The following FAM13A variants were observed in gnomAD, a reference collection of about 807,000 sequenced individuals.
FAM13A encodes the protein protein FAM13A.
Under a neutral mutation model 129.6 loss-of-function variants are expected in FAM13A, and 76 were observed. That is an observed-to-expected ratio of 0.59 (90% CI 0.49 to 0.71). The LOEUF is 0.71. Ranked by LOEUF, FAM13A falls within the 30% of genes least tolerant of loss-of-function variation. FAM13A has a pLI of 0.00. For missense variants in FAM13A, 1,108 were observed against 1,249.3 expected (o/e 0.89, Z 1.70); for synonymous variants, 443 against 449.9 (o/e 0.98, Z 0.20).
chr4:88,749,759 G>A lies in FAM13A; in HGVS notation c.2079+12C>T. 6.2e-7 allele frequency: 1 copy of A among 1,613,608 alleles called. No individual in the cohort carries two copies. The highest frequency in any genetic ancestry group is 2.2e-5 in the East Asian group (1 of 44,870). On this transcript the variant is annotated intron_variant, in intron 16 of 23. Coordinates refer to ENST00000264344, the MANE Select transcript of FAM13A (RefSeq NM_014883.4). The stretch of plus-strand genomic sequence containing the variant: ...GGATGAGGCGAAAAGAACAGTGTGA[G>A]GGGACACTTACTCTGTACTTCTTCT...
chr4:88,754,739 C>T (rs1743293062), intron 14 of FAM13A, among the ~76,000 whole-genome samples: 1 of 152,042 alleles, frequency 6.6e-6, no homozygotes, highest in African/African-American at 2.4e-5. Context: ...TCTTGTTAAC[C>T]AACAGAGTTA....
chr4:88,754,894 G>T (rs1743321990), intron 14 of FAM13A, among the ~76,000 whole-genome samples: 1 of 152,080 alleles, frequency 6.6e-6, no homozygotes, highest in South Asian at 2.1e-4. Flanking sequence ...ATAGGGCTGA[G>T]GACTTTTTAC....
At chr4:88,985,838 C>T (rs55734202) in intron 4 of FAM13A, among the ~76,000 whole-genome samples, 23,364 of 116,152 alleles carry the variant, frequency 0.2, 1,929 homozygotes, top group South Asian at 0.31. Flanking sequence ...TACACAAGCA[C>T]AAAAAAGAAT....
chr4:89,012,520 G>T (rs562419970), intron 3 of FAM13A, among the ~76,000 whole-genome samples: 80 of 152,294 alleles, frequency 5.3e-4, no homozygotes, highest in African/African-American at 1.8e-3. Flanking sequence ...TGTCATGCAG[G>T]TATACTGATT....
At chr4:88,941,025 T>C (rs1182728228) in intron 4 of FAM13A, among the ~76,000 whole-genome samples, 1 of 152,100 alleles carries the variant, frequency 6.6e-6, no homozygotes, top group Admixed American at 6.6e-5. Context: ...GCTGCAAACA[T>C]GAGTAGTTTC....
chr4:89,005,676 G>A (rs933986130), intron 3 of FAM13A, among the ~76,000 whole-genome samples: 5 of 152,148 alleles, frequency 3.3e-5, no homozygotes, highest in African/African-American at 1.2e-4. Flanking sequence ...GTGATGTTGA[G>A]CTTTTTTCAT....
chr4:89,014,760 G>A (rs1000396025), intron 3 of FAM13A, among the ~76,000 whole-genome samples: 2 of 152,090 alleles, frequency 1.3e-5, no homozygotes, highest in Non-Finnish European at 2.9e-5. Flanking sequence ...ATCTTCATAA[G>A]CTGAGGATGT....
rs2148718802 is a variant in FAM13A at position 88,921,705 on chromosome 4, A to C, written c.760-15243T>G. The stretch of plus-strand genomic sequence containing the variant: ...GGATCAAATTCACACAAACAATATT[A>C]ACTTTAAATGTAAATGGACTAAATG... On this transcript the variant is annotated intron_variant, in intron 5 of 23. Transcript: ENST00000264344. Among the ~76,000 whole-genome samples the C allele has an allele frequency of 1.3e-5, 2 of 152,354 alleles. 1 individual carries two copies. The highest frequency in any genetic ancestry group is 6.8e-3 in the Middle Eastern group (2 of 294).
intron 3 of FAM13A, among the ~76,000 whole-genome samples, chr4:89,012,296 T>G (rs1437273808): frequency 6.6e-6 from 1 of 152,194 alleles, no homozygotes; most frequent in Non-Finnish European, 1.5e-5. Flanking sequence ...CAAGCTGAGA[T>G]AATCATACTA....
chr4:88,911,296 G>A (rs756257886), intron 5 of FAM13A, among the ~76,000 whole-genome samples: 6 of 152,156 alleles, frequency 3.9e-5, no homozygotes, highest in African/African-American at 1.4e-4. Context: ...TGCTGAGAAC[G>A]GAGCAGCTCA....
chr4:88,852,264 C>T (rs573224001), intron 6 of FAM13A, among the ~76,000 whole-genome samples: 4 of 151,710 alleles, frequency 2.6e-5, no homozygotes, highest in Admixed American at 6.6e-5. Flanking sequence ...TGGGTTCAAG[C>T]GATTCTCCTT....
intron 3 of FAM13A, among the ~76,000 whole-genome samples, chr4:89,014,807 G>T (rs909879732): frequency 6.6e-6 from 1 of 152,030 alleles, no homozygotes. Flanking sequence ...TGCGTTAACC[G>T]CACAAATTGT....
At chr4:88,838,541 C>T (rs1016937457) in intron 7 of FAM13A, among the ~76,000 whole-genome samples, 41 of 151,836 alleles carry the variant, frequency 2.7e-4, no homozygotes, top group Non-Finnish European at 3.8e-4. Flanking sequence ...ATGGAGACCA[C>T]GGTGAAATCC....
intron 14 of FAM13A, among the ~76,000 whole-genome samples, chr4:88,756,194 T>C (rs1743584607): frequency 6.6e-6 from 1 of 152,238 alleles, no homozygotes; most frequent in Non-Finnish European, 1.5e-5. Flanking sequence ...CTAAATCAAA[T>C]AATAAAACAG....
chr4:89,035,476 A>AAAGG (rs377297276), intron 1 of FAM13A, among the ~76,000 whole-genome samples: 1 of 151,388 alleles, frequency 6.6e-6, no homozygotes, highest in Non-Finnish European at 1.5e-5. Context: ...AAAAGAAAAG[A>AAAGG]AAGGAAGGAA....
chr4:88,990,444 T>C (rs909007829), intron 4 of FAM13A: 4 of 152,318 alleles, frequency 2.6e-5, no homozygotes, highest in South Asian at 2.1e-4. Context: ...AAGAGCTTTA[T>C]GGAATAAGAA....
intron 4 of FAM13A, among the ~76,000 whole-genome samples, chr4:88,976,599 C>T (rs1011007192): frequency 3.9e-5 from 6 of 152,000 alleles, no homozygotes; most frequent in Non-Finnish European, 5.9e-5. Context: ...TTAGTATTGC[C>T]GGCTGATGTC....
chr4:88,927,152 C>T (rs1472917890), intron 5 of FAM13A, among the ~76,000 whole-genome samples: 1 of 151,766 alleles, frequency 6.6e-6, no homozygotes, highest in Admixed American at 6.6e-5. Context: ...TTTTTTAGTT[C>T]CCCTGATAGA....
chr4:88,786,356 T>G (rs1243344577), intron 10 of FAM13A, among the ~76,000 whole-genome samples: 1 of 152,138 alleles, frequency 6.6e-6, no homozygotes, highest in East Asian at 1.9e-4. Flanking sequence ...TGCTACATAC[T>G]CCTCAGCAAA....
Sources: allele counts gnomAD v4.1 joint callset (sites outside exome capture counted in the v4.1 genomes callset), GRCh38; gene constraint gnomAD v4.1.1; transcripts MANE v1.5; gene names NCBI Gene and HGNC (gene_info 2026-07-23, HGNC 2026-07-21).